LTBP2: variants seen among roughly 807,000 people sequenced by gnomAD.
LTBP2 encodes latent-transforming growth factor beta-binding protein 2.
LTBP2 carries 103 observed loss-of-function variants against 210.6 expected under a neutral mutation model. That is an observed-to-expected ratio of 0.49 (90% confidence interval 0.42 to 0.58). LTBP2 has a LOEUF of 0.58. Ranked by LOEUF, LTBP2 falls within the 20% of genes least tolerant of loss-of-function variation. The pLI is 0.00. For synonymous variants in LTBP2, 1,007 were observed against 1,015.0 expected (o/e 0.99, Z 0.15); for missense variants, 2,313 against 2,494.5 (o/e 0.93, Z 1.55).
chr14:74,540,830 A>ATATTAT (rs1555350191), intron 8 of LTBP2, among the ~76,000 whole-genome samples: 1 of 68,646 alleles, frequency 1.5e-5, no homozygotes, highest in African/African-American at 5.1e-5. Flanking sequence ...ATTTTTATAT[A>ATATTAT]ATATATATTT....
At chr14:74,578,301 G>A (rs771542768) in intron 3 of LTBP2, among the ~76,000 whole-genome samples, 2 of 152,214 alleles carry the variant, frequency 1.3e-5, no homozygotes, top group Admixed American at 6.5e-5. Flanking sequence ...TGGACCGACT[G>A]TGTGGCAGAC....
At chr14:74,611,385 A>T in intron 1 of LTBP2, 66 bp downstream of exon 1, 1 of 1,402,244 alleles carries the variant, frequency 7.1e-7, no homozygotes, top group South Asian at 1.7e-5. Context: ...TCTCGCCTGC[A>T]CGCCCCTCCA....
intron 3 of LTBP2, among the ~76,000 whole-genome samples, chr14:74,566,952 C>CA (rs2087910848): frequency 6.6e-6 from 1 of 152,190 alleles, no homozygotes; most frequent in African/African-American, 2.4e-5. Flanking sequence ...CTGGATTCCC[C>CA]AGCACACAGA....
rs2086943611 is a variant in LTBP2, at chr14:74,503,574, T to C, written c.4615A>G (p.Asn1539Asp). Residue 1539 changes from asparagine to aspartate, a missense_variant, in exon 32 of 36, where the codon AAT (asparagine) becomes GAT (aspartate). Asn to Asp is a conservative substitution (Grantham distance 23). Transcript: ENST00000261978. Reference protein sequence around the residue: ...HDECQDLACENGECVNTEGSF... With the variant: ...HDECQDLACEDGECVNTEGSF... The stretch of plus-strand genomic sequence containing the variant: ...CCCTCCGTGTTGACGCACTCGCCAT[T>C]CTCACAGGCCAGGTCCTGGCACTCA... 1 of 1,613,760 alleles carries C rather than the reference T, an allele frequency of 6.2e-7. No homozygotes were observed. Among genetic ancestry groups the C allele is most frequent in the South Asian group, 1.1e-5 (1 of 91,076 alleles).
At chr14:74,607,818 T>G (rs564948110) in intron 1 of LTBP2, among the ~76,000 whole-genome samples, 28 of 152,206 alleles carry the variant, frequency 1.8e-4, no homozygotes, top group African/African-American at 6.7e-4. Flanking sequence ...TGGTTAACTC[T>G]GGGGAGGGAA....
Position 74,551,144 on chromosome 14 carries a change from G to T in LTBP2, c.1606C>A (p.Pro536Thr). The T allele has an allele frequency of 6.2e-7, 1 of 1,613,874 alleles. No individual in the cohort carries two copies. The highest frequency in any genetic ancestry group is 1.3e-5 in the African/African-American group (1 of 75,066). The change falls in exon 7 of 36, where the codon CCC (proline) becomes ACC (threonine). Residue 536 changes from proline to threonine, a missense_variant. Pro to Thr is a conservative substitution (Grantham distance 38, BLOSUM62 -1). Around this residue, in one of 3 missense-constraint regions of LTBP2, gnomAD observed 1,867 missense variants for 1,976.9 expected, o/e 0.94. Transcript: ENST00000261978. ...SNNIPARSGE[P>T]PRPLPPAAPR... is the part of the protein sequence containing the mutation. ...GCTGCTGGGGGCAGTGGCCGAGGGGGCTCTCCAGACCGAGCAGGGATGTTG... is the reference window on the plus strand; with the variant it reads ...GCTGCTGGGGGCAGTGGCCGAGGGGTCTCTCCAGACCGAGCAGGGATGTTG...
chr14:74,512,855 T>C (rs1282156479), intron 18 of LTBP2, among the ~76,000 whole-genome samples: 1 of 152,178 alleles, frequency 6.6e-6, no homozygotes, highest in African/African-American at 2.4e-5. Flanking sequence ...CAGAGATGGA[T>C]AAAATGAAGG....
rs1253456674 is a variant in LTBP2 at position 74,503,657 on chromosome 14, C to G, written c.4583-51G>C. The stretch of plus-strand genomic sequence containing the variant: ...ATTGCCAAGGTGGCCTTTCCACCAA[C>G]CACCCTCAGGGAAGGGTGTTTGCCT... On this transcript the variant is annotated intron_variant, in intron 31 of 35. Transcript: ENST00000261978. 3.7e-6 allele frequency: 6 copies of G among 1,607,132 alleles called. No homozygotes were observed. The East Asian group carries it at 6.7e-5, about 18-fold the overall frequency.
intron 3 of LTBP2, among the ~76,000 whole-genome samples, chr14:74,573,094 A>C (rs1198676057): frequency 3.3e-5 from 5 of 152,210 alleles, no homozygotes; most frequent in African/African-American, 4.8e-5. Flanking sequence ...TTCTGAAAAG[A>C]CGCTGGATAC....
intron 3 of LTBP2, among the ~76,000 whole-genome samples, chr14:74,563,651 C>G (rs968267786): frequency 6.6e-6 from 1 of 152,086 alleles, no homozygotes; most frequent in Non-Finnish European, 1.5e-5. Flanking sequence ...AATAATACCT[C>G]AAGACATGAG....
intron 2 of LTBP2, among the ~76,000 whole-genome samples, chr14:74,589,487 G>C (rs759133771): frequency 1.3e-5 from 2 of 152,234 alleles, no homozygotes; most frequent in Non-Finnish European, 2.9e-5. Context: ...TCTGAGGCCA[G>C]AGCATTTTTC....
chr14:74,502,725 C>G lies in LTBP2; in HGVS notation c.5098G>C (p.Asp1700His). The change falls in exon 34 of 36, where the codon GAC (aspartate) becomes CAC (histidine). Residue 1700 changes from aspartate to histidine, a missense_variant. Physicochemically the swap from Asp to His is moderately conservative, Grantham distance 81. Coordinates refer to ENST00000261978, the MANE Select transcript of LTBP2 (RefSeq NM_000428.3). ...GGAGACTCAAGGATGGGTGTGCGGT[C>G]CGCTGAGTGACCGGCTGTGTTGGGG... ...AFPNTAGHSA[D>H]RTPILESPLQ... 1 of 1,614,190 alleles carries G rather than the reference C, an allele frequency of 6.2e-7. No homozygotes were observed. Among genetic ancestry groups the G allele is most frequent in the Non-Finnish European group, 8.5e-7 (1 of 1,180,038 alleles).
At chr14:74,507,094 C>T in intron 26 of LTBP2, 85 bp downstream of exon 26, 2 of 1,610,002 alleles carry the variant, frequency 1.2e-6, no homozygotes, top group Non-Finnish European at 1.7e-6. Flanking sequence ...AAATCGTGTC[C>T]TCAGGAGAAA....
At chr14:74,605,271 C>G (rs2088508789) in intron 1 of LTBP2, among the ~76,000 whole-genome samples, 1 of 152,222 alleles carries the variant, frequency 6.6e-6, no homozygotes, top group Non-Finnish European at 1.5e-5. Flanking sequence ...AAAATAAATT[C>G]CTGCAGCTTG....
At chr14:74,540,132 G>C (rs1429265095) in intron 8 of LTBP2, among the ~76,000 whole-genome samples, 7 of 151,996 alleles carry the variant, frequency 4.6e-5, no homozygotes, top group Non-Finnish European at 2.9e-5. Context: ...GTCTATAAGG[G>C]GCTAGTTCCT....
At chr14:74,517,398 G>T (rs755944852) in intron 17 of LTBP2, among the ~76,000 whole-genome samples, 19 of 151,788 alleles carry the variant, frequency 1.3e-4, no homozygotes, top group Non-Finnish European at 1.8e-4. Flanking sequence ...TTGTTGCCCA[G>T]GCTGGAGTGC....
Position 74,508,621 on chromosome 14 carries a change from C to A in LTBP2, c.3635G>T (p.Gly1212Val). Residue 1212 changes from glycine to valine, a missense_variant, in exon 24 of 36, where the codon GGG becomes GTG. Physicochemically the swap from Gly to Val is moderately radical, Grantham distance 109. Transcript: ENST00000261978. ...LCAPGFVSAE[G>V]GTSCQDVDEC... ...CTTCTCACCCTGGCAGCTGGTGCCC[C>A]CCTCTGCGCTGACGAAGCCAGGCGC... 6.2e-7 allele frequency: 1 copy of A among 1,609,562 alleles called. No individual in the cohort carries two copies. Among genetic ancestry groups the A allele is most frequent in the Non-Finnish European group, 8.5e-7 (1 of 1,179,852 alleles).
In LTBP2 at chr14:74,504,987, G is replaced by A. The variant is rs752017774; in HGVS notation, c.4365C>T (p.Asp1455=). The A allele has an allele frequency of 2.0e-5, 32 of 1,614,104 alleles. No homozygotes were observed. Among genetic ancestry groups the A allele is most frequent in the Non-Finnish European group, 5.9e-6 (7 of 1,180,056 alleles). The change falls in exon 29 of 36, where the codon GAC becomes GAT. Residue 1455 remains aspartate (D), a synonymous_variant. Coordinates refer to ENST00000261978, the MANE Select transcript of LTBP2 (RefSeq NM_000428.3). Reference sequence around the variant, plus strand: ...CTGGAACCCTTGGGGTCTTACCTGAGTCCTCAGACGGGCAGAGGTCACAGG... The same window carrying A: ...CTGGAACCCTTGGGGTCTTACCTGAATCCTCAGACGGGCAGAGGTCACAGG... ...GDACDLCPSE[D]SAEFSEICPS... is the part of the protein sequence containing the mutation.
Position 74,525,127 on chromosome 14 carries a change from G to A in LTBP2, c.2527C>T (p.Pro843Ser), listed in dbSNP as rs2087255002. The change falls in exon 15 of 36, where the codon CCA (proline) becomes TCA (serine). Residue 843 changes from proline to serine, a missense_variant. By Grantham distance (74) the Pro-to-Ser change is moderately conservative. Coordinates refer to ENST00000261978, the MANE Select transcript of LTBP2 (RefSeq NM_000428.3). ...STDVLVTLST[P>S]GIDRCAAGAT... Reference sequence around the variant, plus strand: ...CCAAAGGTCTGGCTGCAGCTACCTGGGGTGCTCAGGGTCACCAGCACATCA... The same window carrying A: ...CCAAAGGTCTGGCTGCAGCTACCTGAGGTGCTCAGGGTCACCAGCACATCA... The A allele has an allele frequency of 5.3e-6, 7 of 1,324,954 alleles. No individual in the cohort carries two copies. The Middle Eastern group carries it at 8.0e-4, about 152-fold the overall frequency. 82.1% of individuals were successfully genotyped at this position (1,324,954 alleles called of 1,614,324 possible). A position where few individuals can be genotyped will look rare whatever the true frequency, so the allele number is the denominator to read the frequency against.
Sources: allele counts gnomAD v4.1 joint callset (sites outside exome capture counted in the v4.1 genomes callset), GRCh38; gene constraint gnomAD v4.1.1; regional missense constraint gnomAD v4.1.1; transcripts MANE v1.5; gene names NCBI Gene and HGNC (gene_info 2026-07-23, HGNC 2026-07-21).